ADGRL3: variants seen among roughly 807,000 people sequenced by gnomAD.
The protein encoded by ADGRL3 is adhesion G protein-coupled receptor L3.
Under a neutral mutation model 153.5 loss-of-function variants are expected in ADGRL3, and 62 were observed. The ratio of observed to expected loss-of-function variants is 0.40; its 90% CI spans 0.33 to 0.50. The LOEUF (loss-of-function observed/expected upper bound fraction) is 0.50, where lower values mean the gene tolerates loss of function less well. ADGRL3 is among the 20% of genes least tolerant of loss of function. ADGRL3 has a pLI of 0.47. For missense variants in ADGRL3, 1,641 were observed against 1,859.4 expected (o/e 0.88, Z 2.16); for synonymous variants, 710 against 672.5 (o/e 1.06, Z -0.86).
chr4:61,654,692 T>C (rs1273042048), intron 5 of ADGRL3, among the ~76,000 whole-genome samples: 2 of 151,462 alleles, frequency 1.3e-5, no homozygotes, highest in Non-Finnish European at 2.9e-5. Context: ...AGGTCAGGAG[T>C]TCAAAACCAG....
chr4:62,048,454 G>A (rs1732324780), intron 25 of ADGRL3, among the ~76,000 whole-genome samples: 1 of 151,862 alleles, frequency 6.6e-6, no homozygotes, highest in African/African-American at 2.4e-5. Flanking sequence ...GTAGAGACGG[G>A]GTTTCATCAT....
At chr4:61,645,717 C>T (rs1186800974) in intron 5 of ADGRL3, among the ~76,000 whole-genome samples, 1 of 151,902 alleles carries the variant, frequency 6.6e-6, no homozygotes, top group East Asian at 1.9e-4. Flanking sequence ...CTGCCCTTAA[C>T]ATTTTTTCCT....
At chr4:62,024,205 T>G (rs889196133) in intron 21 of ADGRL3, among the ~76,000 whole-genome samples, 1 of 152,124 alleles carries the variant, frequency 6.6e-6, no homozygotes, top group African/African-American at 2.4e-5. Context: ...TTATACTCAG[T>G]TTTTCCTAAT....
chr4:61,747,072 G>T (rs1259177990), intron 8 of ADGRL3, among the ~76,000 whole-genome samples: 1 of 152,062 alleles, frequency 6.6e-6, no homozygotes, highest in Non-Finnish European at 1.5e-5. Context: ...AGAGAATACT[G>T]CAAACACCTC....
chr4:61,774,831 T>C (rs2152329432), intron 8 of ADGRL3, among the ~76,000 whole-genome samples: 1 of 152,292 alleles, frequency 6.6e-6, no homozygotes, highest in South Asian at 2.1e-4. Context: ...ACCTGGTATG[T>C]GTACTATTTG....
At chr4:61,367,514 T>G (rs1192331292) in intron 1 of ADGRL3, among the ~76,000 whole-genome samples, 1 of 151,358 alleles carries the variant, frequency 6.6e-6, no homozygotes, top group Non-Finnish European at 1.5e-5. Flanking sequence ...TGGGATAGTT[T>G]ACTGAGAATG....
At chr4:61,319,327 A>G (rs1003850266) in intron 1 of ADGRL3, among the ~76,000 whole-genome samples, 2 of 152,200 alleles carry the variant, frequency 1.3e-5, no homozygotes, top group Non-Finnish European at 2.9e-5. Context: ...TTTGAAAAAT[A>G]TCTTCACATC....
chr4:61,733,617 A>T, intron 8 of ADGRL3, 63 bp downstream of exon 8: 2 of 1,198,102 alleles, frequency 1.7e-6, no homozygotes, highest in Non-Finnish European at 2.3e-6. Flanking sequence ...CAGCAAGTTC[A>T]TTTTATGTTT....
At chr4:61,819,414 T>A (rs1032159543) in intron 9 of ADGRL3, among the ~76,000 whole-genome samples, 3 of 152,070 alleles carry the variant, frequency 2.0e-5, no homozygotes, top group African/African-American at 7.2e-5. Flanking sequence ...ATTTCATACG[T>A]ATTGAAAATA....
intron 2 of ADGRL3, among the ~76,000 whole-genome samples, chr4:61,391,614 T>C (rs2096803100): frequency 1.3e-5 from 2 of 152,150 alleles, no homozygotes; most frequent in African/African-American, 4.8e-5. Context: ...GGTCATATAG[T>C]AAGTCTATCT....
intron 11 of ADGRL3, among the ~76,000 whole-genome samples, chr4:61,903,650 C>CAAAAAGAA (rs2098678031): frequency 1.4e-5 from 1 of 72,342 alleles, no homozygotes; most frequent in Non-Finnish European, 2.2e-5. Flanking sequence ...TGGGAAACAG[C>CAAAAAGAA]AAAAAAAAAA....
chr4:61,681,620 T>TAA (rs1481534364), intron 6 of ADGRL3, among the ~76,000 whole-genome samples: 4 of 152,090 alleles, frequency 2.6e-5, no homozygotes, highest in Admixed American at 6.6e-5. Flanking sequence ...AAAATGAGCA[T>TAA]TATTGGAAGA....
intron 4 of ADGRL3, among the ~76,000 whole-genome samples, chr4:61,532,217 G>A (rs543664302): frequency 6.6e-6 from 1 of 152,270 alleles, no homozygotes; most frequent in East Asian, 1.9e-4. Flanking sequence ...GACAGAAAAA[G>A]TCTTGCATTT....
chr4:61,626,431 T>TTC (rs373080396), intron 5 of ADGRL3, among the ~76,000 whole-genome samples: 1 of 149,364 alleles, frequency 6.7e-6, no homozygotes, highest in Non-Finnish European at 1.5e-5. Context: ...GGTATTTTTT[T>TTC]CTCTTTTGAT....
At chr4:61,902,039 A>G (rs1230452685) in intron 11 of ADGRL3, among the ~76,000 whole-genome samples, 1 of 152,206 alleles carries the variant, frequency 6.6e-6, no homozygotes, top group African/African-American at 2.4e-5. Context: ...CATTCAACAT[A>G]TATGTATATT....
chr4:61,462,864 C>T (rs1048086274), intron 2 of ADGRL3, among the ~76,000 whole-genome samples: 1 of 152,038 alleles, frequency 6.6e-6, no homozygotes, highest in African/African-American at 2.4e-5. Context: ...GCTAAATAGC[C>T]CAATCCCTGC....
At chr4:61,993,108 G>A (rs1386295923) in intron 19 of ADGRL3, among the ~76,000 whole-genome samples, 3 of 149,928 alleles carry the variant, frequency 2.0e-5, no homozygotes, top group East Asian at 2.0e-4. Context: ...TTCTTAAAAC[G>A]TATTATTACT....
At chr4:61,904,879 G>A (rs1408228609) in intron 11 of ADGRL3, among the ~76,000 whole-genome samples, 3 of 152,072 alleles carry the variant, frequency 2.0e-5, no homozygotes, top group South Asian at 2.1e-4. Flanking sequence ...TTTTGTCACC[G>A]TGGTACATTT....
At chr4:61,574,665 G>A (rs191316454) in intron 4 of ADGRL3, among the ~76,000 whole-genome samples, 198 of 151,904 alleles carry the variant, frequency 1.3e-3, no homozygotes, top group Non-Finnish European at 2.3e-3. Flanking sequence ...GGTTTGACAG[G>A]AAGATGGGTT....
Sources: allele counts gnomAD v4.1 joint callset (sites outside exome capture counted in the v4.1 genomes callset), GRCh38; gene constraint gnomAD v4.1.1; transcripts MANE v1.5; gene names NCBI Gene and HGNC (gene_info 2026-07-23, HGNC 2026-07-21).